Variants in MNAT1 observed in about 807,000 individuals in gnomAD.
MNAT1 encodes MNAT1 component of CDK activating kinase.
MNAT1 carries 43 observed loss-of-function variants against 42.0 expected under a neutral mutation model. That is an observed-to-expected ratio of 1.02 (90% CI 0.80 to 1.32). The LOEUF (loss-of-function observed/expected upper bound fraction) is 1.32. MNAT1 is among the 40% of genes most tolerant of loss of function. The pLI, the probability that MNAT1 is intolerant of heterozygous loss-of-function variation, is 0.00. For synonymous variants in MNAT1, 118 were observed against 120.0 expected (o/e 0.98, Z 0.11); for missense variants, 306 against 350.4 (o/e 0.87, Z 1.01).
intron 7 of MNAT1, among the ~76,000 whole-genome samples, chr14:60,906,003 G>A (rs964730834): frequency 3.3e-5 from 5 of 152,180 alleles, no homozygotes; most frequent in Admixed American, 6.5e-5. Flanking sequence ...TAAAAGGATG[G>A]ATAGTGATTG....
chr14:60,876,618 T>TCCATGAA (rs2034442595), intron 6 of MNAT1, among the ~76,000 whole-genome samples: 1 of 152,098 alleles, frequency 6.6e-6, no homozygotes, highest in Admixed American at 6.6e-5. Context: ...ACTGATCTAC[T>TCCATGAA]TTCTGTCTCC....
chr14:60,810,858 T>G (rs1384292669), intron 4 of MNAT1, among the ~76,000 whole-genome samples: 1 of 152,118 alleles, frequency 6.6e-6, no homozygotes, highest in Admixed American at 6.5e-5. Context: ...TTTCTGTTAG[T>G]TGTTATAACA....
chr14:60,949,315 A>AG (rs147571655), intron 7 of MNAT1, among the ~76,000 whole-genome samples: 2,018 of 152,264 alleles, frequency 0.013, 17 homozygotes, highest in Non-Finnish European at 0.02. Context: ...TAAGGATGAC[A>AG]GGTGGAAATA....
At chr14:60,814,279 A>G (rs762328183) in intron 5 of MNAT1, among the ~76,000 whole-genome samples, 13 of 152,152 alleles carry the variant, frequency 8.5e-5, no homozygotes, top group Non-Finnish European at 1.9e-4. Context: ...TAGGTAGTCA[A>G]CCTTGTTAGA....
chr14:60,734,829 G>T lies in MNAT1; in HGVS notation c.-34G>T, dbSNP rs779882096. The T allele has an allele frequency of 2.5e-6, 4 of 1,608,012 alleles. No homozygotes were observed. The highest frequency in any genetic ancestry group is 3.4e-6 in the Non-Finnish European group (4 of 1,174,722). On this transcript the variant is annotated 5_prime_UTR_variant, in exon 1 of 8. The change creates a new upstream start codon in the 5' untranslated region. Coordinates refer to ENST00000261245, the MANE Select transcript of MNAT1 (RefSeq NM_002431.4). The surrounding 1 kb of genome is among the most constrained non-coding windows in gnomAD (Gnocchi z 4.3). ...CTTGTAGGTGGCTCTGGCTGAAACA[G>T]GCGCCTGCGAGAGTCTGTAGGAGGG... is the stretch of plus-strand genomic sequence containing the variant.
At chr14:60,947,080 C>A (rs971990687) in intron 7 of MNAT1, among the ~76,000 whole-genome samples, 1 of 152,062 alleles carries the variant, frequency 6.6e-6, no homozygotes, top group Non-Finnish European at 1.5e-5. Context: ...TCACAAAGAC[C>A]CCATTTCCAA....
rs750917500 is a variant in MNAT1 at position 60,879,840 on chromosome 14, G to T, written c.809+5G>T. The T allele has an allele frequency of 1.2e-6, 2 of 1,610,362 alleles. No individual in the cohort carries two copies. The highest frequency in any genetic ancestry group is 1.3e-5 in the African/African-American group (1 of 74,764). ...TGAGATGCTAGGAAGACTTGGGTATGTGTCCTAAAGAACTTTACATTGAGG... is the reference window on the plus strand; with the variant it reads ...TGAGATGCTAGGAAGACTTGGGTATTTGTCCTAAAGAACTTTACATTGAGG... On this transcript the variant is annotated splice_donor_5th_base_variant and intron_variant, in intron 7 of 7. Coordinates refer to ENST00000261245, the MANE Select transcript of MNAT1 (RefSeq NM_002431.4).
At chr14:60,757,028 G>T (rs1319369764) in intron 1 of MNAT1, among the ~76,000 whole-genome samples, 1 of 152,124 alleles carries the variant, frequency 6.6e-6, no homozygotes, top group Non-Finnish European at 1.5e-5. Context: ...GTTCCCAAGT[G>T]ACTGGCTCTC....
At position 60,931,009 on chromosome 14, in the gene MNAT1, A is replaced by C. The variant is rs550653517; in HGVS notation, c.810-37220A>C. ...TTCAGATTTATATTTTAGAAAAAAT[A>C]CTTCTGAAGGCAGCAGTATGGATCA... On this transcript the variant is annotated intron_variant, in intron 7 of 7. Coordinates refer to ENST00000261245, the MANE Select transcript of MNAT1 (RefSeq NM_002431.4). 1.1e-4 allele frequency among the ~76,000 whole-genome samples: 16 copies of C among 152,314 alleles called. No homozygotes were observed. In the South Asian group the frequency reaches 2.5e-3, roughly 24 times the overall value.
intron 7 of MNAT1, among the ~76,000 whole-genome samples, chr14:60,966,089 A>T (rs1029143354): frequency 6.6e-6 from 1 of 151,950 alleles, no homozygotes; most frequent in South Asian, 2.1e-4. Flanking sequence ...TTTCAATCCT[A>T]TGCGACCTAA....
chr14:60,746,951 CACACACACACACACACACACACACACAA>C (rs1896648613), intron 1 of MNAT1, among the ~76,000 whole-genome samples: 3 of 48,486 alleles, frequency 6.2e-5, no homozygotes, highest in Non-Finnish European at 1.6e-4. Flanking sequence ...CACACACACA[CACACACACACACACACACACACACACAA>C]AATTATGTCT....
chr14:60,794,463 G>T (rs117884260), intron 1 of MNAT1, among the ~76,000 whole-genome samples: 31 of 151,248 alleles, frequency 2.0e-4, no homozygotes, highest in African/African-American at 6.8e-4. Flanking sequence ...CCAGGAGTTC[G>T]AGACCAGCCT....
intron 7 of MNAT1, among the ~76,000 whole-genome samples, chr14:60,930,331 C>T (rs1272615511): frequency 1.2e-4 from 18 of 151,524 alleles, no homozygotes; most frequent in Non-Finnish European, 1.5e-5. Flanking sequence ...TCACTATACT[C>T]TACCCTGTCC....
chr14:60,812,297 G>T (rs186252548), intron 5 of MNAT1, among the ~76,000 whole-genome samples, 170 bp downstream of exon 5: 1 of 152,158 alleles, frequency 6.6e-6, no homozygotes. Flanking sequence ...TGAATAAGAG[G>T]TTGCCCTCCA....
At chr14:60,758,606 A>T (rs1368681800) in intron 1 of MNAT1, among the ~76,000 whole-genome samples, 1 of 151,744 alleles carries the variant, frequency 6.6e-6, no homozygotes, top group Non-Finnish European at 1.5e-5. Context: ...CCAAAAAAAA[A>T]CCCCCAAATT....
chr14:60,865,201 G>A (rs540085817), intron 6 of MNAT1, among the ~76,000 whole-genome samples: 1 of 152,008 alleles, frequency 6.6e-6, no homozygotes, highest in South Asian at 2.1e-4. Context: ...AAATATTTCT[G>A]CTTTAGAAGA....
chr14:60,896,668 G>C (rs2034963022), intron 7 of MNAT1, among the ~76,000 whole-genome samples: 1 of 151,986 alleles, frequency 6.6e-6, no homozygotes, highest in Non-Finnish European at 1.5e-5. Flanking sequence ...TGTATTTTTA[G>C]TAGAGACGGG....
chr14:60,820,123 A>T (rs2032837137), intron 6 of MNAT1, among the ~76,000 whole-genome samples: 1 of 152,102 alleles, frequency 6.6e-6, no homozygotes, highest in African/African-American at 2.4e-5. Flanking sequence ...TGTTAATGAC[A>T]TGCAATATTG....
intron 1 of MNAT1, among the ~76,000 whole-genome samples, chr14:60,761,933 A>G (rs2030616272): frequency 6.6e-6 from 1 of 152,242 alleles, no homozygotes; most frequent in Non-Finnish European, 1.5e-5. Flanking sequence ...TTTAGCATAT[A>G]TAAATTAATG....
Sources: gnomAD v4.1 joint callset for allele counts (sites outside exome capture counted in the v4.1 genomes callset) on GRCh38, gnomAD v4.1.1 for gene constraint, Gnocchi (gnomAD v3.1) non-coding constraint, MANE v1.5 for transcripts, NCBI Gene and HGNC (gene_info 2026-07-23, HGNC 2026-07-21) for gene names.